Variants in ANKRD28 observed in about 807,000 individuals in gnomAD.
ANKRD28 encodes the protein serine/threonine-protein phosphatase 6 regulatory ankyrin repeat subunit A.
Under a neutral mutation model 126.5 loss-of-function variants are expected in ANKRD28, and 44 were observed. The observed-to-expected ratio is 0.35, with a 90% CI of 0.27 to 0.45. The LOEUF is 0.45. ANKRD28 is among the 20% of genes least tolerant of loss of function. ANKRD28 has a pLI of 1.00. For missense variants in ANKRD28, 1,110 were observed against 1,316.6 expected (o/e 0.84, Z 2.43); for synonymous variants, 442 against 468.5 (o/e 0.94, Z 0.73).
In ANKRD28 at chr3:15,674,050, T is replaced by C. The variant is rs189613916; in HGVS notation, c.2965+1848A>G. Among the ~76,000 whole-genome samples the C allele has an allele frequency of 1.4e-4, 21 of 151,440 alleles. No homozygotes were observed. The East Asian group carries it at 3.1e-3, about 22-fold the overall frequency. On this transcript the variant is annotated intron_variant, in intron 27 of 27. Transcript: ENST00000683139. ...AGCTAGGCCTGGTGATGCATACTTA[T>C]AGTGCTAGCTACTTGGGAGGCTGAG... is the stretch of plus-strand genomic sequence containing the variant.
chr3:15,687,076 G>C (rs1012703643), intron 18 of ANKRD28, among the ~76,000 whole-genome samples: 5 of 151,806 alleles, frequency 3.3e-5, no homozygotes, highest in African/African-American at 1.2e-4. Context: ...CCAAGTAGCT[G>C]GGATTACAGG....
chr3:15,827,849 G>C (rs893107790), intron 1 of ANKRD28, among the ~76,000 whole-genome samples: 6 of 152,108 alleles, frequency 3.9e-5, no homozygotes, highest in Non-Finnish European at 5.9e-5. Flanking sequence ...TCTGACAAGG[G>C]ATTAATATCC....
chr3:15,677,169 C>T (rs946704312), intron 25 of ANKRD28, 113 bp from the exon 26 acceptor site: 2 of 824,536 alleles, frequency 2.4e-6, no homozygotes, highest in Admixed American at 5.0e-5. Context: ...ATACATATAC[C>T]ATGAATTTTC....
intron 18 of ANKRD28, among the ~76,000 whole-genome samples, chr3:15,689,638 C>T (rs1188073898): frequency 1.3e-5 from 2 of 152,108 alleles, no homozygotes; most frequent in Admixed American, 6.6e-5. Flanking sequence ...AGGTTTTAAG[C>T]CAGGCACAAA....
intron 3 of ANKRD28, among the ~76,000 whole-genome samples, chr3:15,764,923 G>C (rs2058670874): frequency 6.6e-6 from 1 of 152,006 alleles, no homozygotes; most frequent in Non-Finnish European, 1.5e-5. Context: ...ATAGAAATAA[G>C]GTATTTTTTA....
At chr3:15,684,157 TA>T (rs1341157146) in intron 21 of ANKRD28, 1 of 152,240 alleles carries the variant, frequency 6.6e-6, no homozygotes, top group Non-Finnish European at 1.5e-5. Context: ...GTATATAATG[TA>T]CTTGAGTTTT....
At position 15,845,070 on chromosome 3, in the gene ANKRD28, C is replaced by A. The variant is rs181151405; in HGVS notation, c.27+14307G>T. Among the ~76,000 whole-genome samples, 1 of 152,092 alleles carries A rather than the reference C, an allele frequency of 6.6e-6. No individual in the cohort carries two copies. Among genetic ancestry groups the A allele is most frequent in the Admixed American group, 6.6e-5 (1 of 15,262 alleles). ...GGCACTTTTAAACAACCAGATCTCA[C>A]GAGAATGTAGAACAGTACCAAAGGG... On this transcript the variant is annotated intron_variant, in intron 1 of 27. Coordinates refer to the ANKRD28 transcript ENST00000399451. This position sits in a 1 kb window ranked among gnomAD's most constrained non-coding sequence, Gnocchi z 4.9.
chr3:15,855,289 ACATC>A (rs1314875506), intron 1 of ANKRD28, among the ~76,000 whole-genome samples: 1 of 152,170 alleles, frequency 6.6e-6, no homozygotes, highest in Non-Finnish European at 1.5e-5. Context: ...TAAGTTACTC[ACATC>A]CATCCAACAC....
In ANKRD28 at chr3:15,833,092, T is replaced by C. The variant is rs1019957154; in HGVS notation, c.27+26285A>G. Among the ~76,000 whole-genome samples the C allele has an allele frequency of 9.9e-5, 15 of 152,194 alleles. No homozygotes were observed. The highest frequency in any genetic ancestry group is 3.6e-4 in the African/African-American group (15 of 41,458). On this transcript the variant is annotated intron_variant, in intron 1 of 27. Transcript: ENST00000399451. This position sits in a 1 kb window ranked among gnomAD's most constrained non-coding sequence, Gnocchi z 4.4. Reference sequence around the variant, plus strand: ...TCCCTTTTCTTCACACCTGTGATGGTTAAAACTGAGTGTCAACTTGATTGG... The same window carrying C: ...TCCCTTTTCTTCACACCTGTGATGGCTAAAACTGAGTGTCAACTTGATTGG...
chr3:15,807,113 C>T (rs1308897865), intron 1 of ANKRD28, among the ~76,000 whole-genome samples: 3 of 152,162 alleles, frequency 2.0e-5, no homozygotes, highest in African/African-American at 7.2e-5. Flanking sequence ...CCCTTCATAG[C>T]CACATGTTAA....
At chr3:15,818,533 G>A (rs934559447) in intron 1 of ANKRD28, among the ~76,000 whole-genome samples, 1 of 152,118 alleles carries the variant, frequency 6.6e-6, no homozygotes, top group African/African-American at 2.4e-5. Flanking sequence ...AAGCATTTCA[G>A]ACTAGGAATA....
At chr3:15,752,983 C>T (rs909875135) in intron 3 of ANKRD28, among the ~76,000 whole-genome samples, 3 of 151,794 alleles carry the variant, frequency 2.0e-5, no homozygotes, top group East Asian at 1.9e-4. Context: ...GACTTTAAAG[C>T]CTTGAAAAAT....
chr3:15,753,518 A>ATT (rs2057986355), intron 3 of ANKRD28, among the ~76,000 whole-genome samples: 1 of 152,222 alleles, frequency 6.6e-6, no homozygotes, highest in Non-Finnish European at 1.5e-5. Flanking sequence ...GTAGAACGGA[A>ATT]AGCTCTGGCA....
intron 6 of ANKRD28, among the ~76,000 whole-genome samples, chr3:15,729,020 T>C (rs2074387328): frequency 6.6e-6 from 1 of 152,218 alleles, no homozygotes; most frequent in Non-Finnish European, 1.5e-5. Flanking sequence ...TCATCTTGAA[T>C]GTGGCTGGTC....
intron 2 of ANKRD28, among the ~76,000 whole-genome samples, chr3:15,767,914 A>AAC (rs1216959101): frequency 1.4e-5 from 2 of 145,520 alleles, no homozygotes; most frequent in African/African-American, 5.5e-5. Flanking sequence ...AAAACAACAA[A>AAC]AACAAAAACA....
At chr3:15,743,590 A>G (rs960374085) in intron 4 of ANKRD28, among the ~76,000 whole-genome samples, 20 of 146,296 alleles carry the variant, frequency 1.4e-4, no homozygotes, top group Middle Eastern at 3.5e-3. Flanking sequence ...ACACACACAC[A>G]CACGCACACC....
At chr3:15,697,829 T>A (rs534318967) in intron 14 of ANKRD28, among the ~76,000 whole-genome samples, 1 of 152,350 alleles carries the variant, frequency 6.6e-6, no homozygotes, top group Admixed American at 6.5e-5. Flanking sequence ...TTTGTACCTC[T>A]GGTAGAATTC....
In ANKRD28 at chr3:15,853,409, C is replaced by T. The variant is rs1338371921; in HGVS notation, c.27+5968G>A. On this transcript the variant is annotated intron_variant, in intron 1 of 27. Coordinates refer to the ANKRD28 transcript ENST00000399451. The surrounding 1 kb of genome is among the most constrained non-coding windows in gnomAD (Gnocchi z 4.2). ...AGACAAAATGCTGAAAAAATGTATCCAAAATCTAACTATTTGGGTTATCTG... is the reference window on the plus strand; with the variant it reads ...AGACAAAATGCTGAAAAAATGTATCTAAAATCTAACTATTTGGGTTATCTG... 1.3e-5 allele frequency among the ~76,000 whole-genome samples: 2 copies of T among 152,034 alleles called. No homozygotes were observed. Among genetic ancestry groups the T allele is most frequent in the African/African-American group, 2.4e-5 (1 of 41,376 alleles).
intron 1 of ANKRD28, among the ~76,000 whole-genome samples, chr3:15,811,372 T>G (rs1471637115): frequency 6.6e-6 from 1 of 152,110 alleles, no homozygotes; most frequent in Non-Finnish European, 1.5e-5. Context: ...AATTTGAAAA[T>G]AGTATTTGTG....
Sources: allele counts gnomAD v4.1 joint callset (sites outside exome capture counted in the v4.1 genomes callset), GRCh38; gene constraint gnomAD v4.1.1; non-coding constraint Gnocchi (gnomAD v3.1); transcripts MANE v1.5; gene names NCBI Gene and HGNC (gene_info 2026-07-23, HGNC 2026-07-21).